GPM6A: variants seen among roughly 807,000 people sequenced by gnomAD.
GPM6A encodes the protein glycoprotein M6A.
In GPM6A, 7 loss-of-function variants were observed where a neutral mutation model predicts 32.1. The observed-to-expected ratio is 0.22, with a 90% CI of 0.12 to 0.41. The LOEUF is 0.41. Ranked by LOEUF, GPM6A falls within the 10% of genes least tolerant of loss-of-function variation. GPM6A has a pLI of 1.00. For missense variants in GPM6A, 235 were observed against 347.2 expected (o/e 0.68, Z 2.57); for synonymous variants, 130 against 123.4 (o/e 1.05, Z -0.35).
chr4:175,925,850 C>CTT (rs60669466), intron 1 of GPM6A, among the ~76,000 whole-genome samples: 26 of 135,104 alleles, frequency 1.9e-4, no homozygotes, highest in Non-Finnish European at 2.7e-4. Flanking sequence ...CTTTTCTTTT[C>CTT]TTTTTTTTTT....
At chr4:175,759,515 C>T (rs1362245638) in intron 1 of GPM6A, among the ~76,000 whole-genome samples, 2 of 152,034 alleles carry the variant, frequency 1.3e-5, no homozygotes, top group Non-Finnish European at 2.9e-5. Flanking sequence ...ACTTCCAAAC[C>T]TATGCTGGCA....
At chr4:175,640,855 T>C (rs1324249067) in intron 4 of GPM6A, 26 bp from the exon 5 acceptor site, 2 of 1,458,120 alleles carry the variant, frequency 1.4e-6, no homozygotes, top group Admixed American at 1.7e-5. Flanking sequence ...AATGACAGTT[T>C]AGCAGTATAA....
intron 1 of GPM6A, among the ~76,000 whole-genome samples, chr4:175,975,552 A>C (rs1053176791): frequency 1.4e-4 from 22 of 152,254 alleles, no homozygotes; most frequent in Non-Finnish European, 2.6e-4. Context: ...GGCACAAAAC[A>C]ACCAAAAAAT....
chr4:175,946,120 T>TAAATCTATAAA (rs1739598097), intron 1 of GPM6A, among the ~76,000 whole-genome samples: 1 of 152,132 alleles, frequency 6.6e-6, no homozygotes, highest in Admixed American at 6.6e-5. Context: ...TTGTACCCCC[T>TAAATCTATAAA]AAATCTATAA....
chr4:175,794,128 A>G (rs1032633906), intron 1 of GPM6A, among the ~76,000 whole-genome samples: 21 of 152,196 alleles, frequency 1.4e-4, no homozygotes, highest in African/African-American at 5.1e-4. Flanking sequence ...CAACTTCACC[A>G]CTTACTGCTG....
intron 1 of GPM6A, among the ~76,000 whole-genome samples, chr4:175,938,125 G>A (rs530576656): frequency 1.3e-5 from 2 of 152,182 alleles, no homozygotes; most frequent in Non-Finnish European, 1.5e-5. Context: ...TGGTCAATAG[G>A]TACAAACATA....
intron 1 of GPM6A, among the ~76,000 whole-genome samples, chr4:175,849,074 T>C (rs1346681333): frequency 1.3e-5 from 2 of 152,206 alleles, no homozygotes; most frequent in Non-Finnish European, 2.9e-5. Context: ...TGTAATTCAT[T>C]TTATAAATTT....
intron 1 of GPM6A, among the ~76,000 whole-genome samples, chr4:175,705,981 C>T (rs946271895): frequency 6.6e-6 from 1 of 152,050 alleles, no homozygotes; most frequent in Non-Finnish European, 1.5e-5. Flanking sequence ...TACCTATATA[C>T]ACAAAGAGGT....
intron 1 of GPM6A, among the ~76,000 whole-genome samples, chr4:175,989,853 T>G (rs1253229706): frequency 6.6e-6 from 1 of 152,194 alleles, no homozygotes; most frequent in African/African-American, 2.4e-5. Context: ...TGAAACCAAC[T>G]GAATAATCAT....
At chr4:175,704,105 T>C (rs1745027229) in intron 1 of GPM6A, among the ~76,000 whole-genome samples, 1 of 152,192 alleles carries the variant, frequency 6.6e-6, no homozygotes, top group South Asian at 2.1e-4. Context: ...GCAAAGTTCC[T>C]GTGAGAACTA....
chr4:175,833,125 A>G (rs1011126711), intron 1 of GPM6A, among the ~76,000 whole-genome samples: 9 of 152,204 alleles, frequency 5.9e-5, no homozygotes, highest in African/African-American at 2.2e-4. Flanking sequence ...GGAGGAGCTG[A>G]GTAGGGCATG....
intron 1 of GPM6A, among the ~76,000 whole-genome samples, chr4:175,836,757 T>C (rs1410175429): frequency 6.6e-6 from 1 of 151,636 alleles, no homozygotes; most frequent in African/African-American, 2.4e-5. Flanking sequence ...ACAATGACAA[T>C]GGGGTATATT....
chr4:175,809,774 G>A (rs900524193), intron 1 of GPM6A, among the ~76,000 whole-genome samples: 3 of 152,086 alleles, frequency 2.0e-5, no homozygotes, highest in Admixed American at 6.5e-5. Context: ...TTCTTAAGAC[G>A]GATGATCTTT....
At chr4:175,727,892 T>C (rs373045260) in intron 1 of GPM6A, among the ~76,000 whole-genome samples, 2 of 151,666 alleles carry the variant, frequency 1.3e-5, no homozygotes, top group South Asian at 2.1e-4. Context: ...TAGTCCCAGA[T>C]GCTTGGGAGG....
At chr4:176,002,249 A>ATCTATCTT in intron 1 of GPM6A, 1 of 1,539,204 alleles carries the variant, frequency 6.5e-7, no homozygotes, top group Non-Finnish European at 8.9e-7. Flanking sequence ...TTCTTTCTAT[A>ATCTATCTT]ATGCCCATTC....
chr4:175,790,087 A>ACATACATTT (rs1326081818), intron 1 of GPM6A, among the ~76,000 whole-genome samples: 6 of 152,244 alleles, frequency 3.9e-5, no homozygotes, highest in African/African-American at 1.4e-4. Flanking sequence ...AGCTTTTTAC[A>ACATACATTT]CATACATTTA....
intron 1 of GPM6A, among the ~76,000 whole-genome samples, chr4:175,862,548 T>C (rs1376686030): frequency 6.6e-6 from 1 of 152,250 alleles, no homozygotes; most frequent in Non-Finnish European, 1.5e-5. Context: ...TGAACATCTA[T>C]ATACTTTCTG....
chr4:175,968,574 T>G (rs934812978), intron 1 of GPM6A, among the ~76,000 whole-genome samples: 2 of 152,162 alleles, frequency 1.3e-5, no homozygotes, highest in African/African-American at 4.8e-5. Context: ...TTCTTAAATA[T>G]CTACAGTAAT....
chr4:175,901,511 T>TA (rs1560986198), intron 1 of GPM6A, among the ~76,000 whole-genome samples: 21 of 151,638 alleles, frequency 1.4e-4, no homozygotes, highest in Non-Finnish European at 2.1e-4. Flanking sequence ...TAAAAAGAAT[T>TA]AAACACCAAA....
Sources: gnomAD v4.1 joint callset for allele counts (sites outside exome capture counted in the v4.1 genomes callset) on GRCh38, gnomAD v4.1.1 for gene constraint, MANE v1.5 for transcripts, NCBI Gene and HGNC (gene_info 2026-07-23, HGNC 2026-07-21) for gene names.